Variants in RBFOX1 observed in about 807,000 individuals in gnomAD.
RBFOX1 encodes RNA binding fox-1 homolog 1, also known as RNA binding protein fox-1 homolog 1.
In RBFOX1, 8 loss-of-function variants were observed where a neutral mutation model predicts 57.7. The observed-to-expected ratio is 0.14, with a 90% CI of 0.08 to 0.25. The LOEUF is 0.25. Among genes scored for constraint, RBFOX1 ranks in the 10% least tolerant of loss-of-function variants. RBFOX1 has a pLI of 1.00. For synonymous variants in RBFOX1, 326 were observed against 222.4 expected (o/e 1.47, Z -4.15); for missense variants, 611 against 548.5 (o/e 1.11, Z -1.14).
At chr16:5,757,208 G>GT (rs1320741411) in intron 3 of RBFOX1, among the ~76,000 whole-genome samples, 1 of 149,320 alleles carries the variant, frequency 6.7e-6, no homozygotes, top group Non-Finnish European at 1.5e-5. Flanking sequence ...GGCGGGGAAG[G>GT]TTTTTTTTGT....
chr16:6,922,055 G>A (rs558287985), intron 3 of RBFOX1, among the ~76,000 whole-genome samples: 1 of 152,278 alleles, frequency 6.6e-6, no homozygotes, highest in African/African-American at 2.4e-5. Context: ...CTGGCAGCTG[G>A]TATTACTATT....
intron 2 of RBFOX1, among the ~76,000 whole-genome samples, chr16:6,589,065 C>G (rs1233936942): frequency 1.3e-5 from 2 of 151,486 alleles, no homozygotes; most frequent in South Asian, 2.1e-4. Flanking sequence ...ATAGTAGTGA[C>G]ATGATGCTTT....
chr16:7,423,246 C>G (rs960107684), intron 4 of RBFOX1, among the ~76,000 whole-genome samples: 1 of 152,026 alleles, frequency 6.6e-6, no homozygotes, highest in South Asian at 2.1e-4. Context: ...TGTATCCAAC[C>G]CCATTTCAGC....
intron 2 of RBFOX1, among the ~76,000 whole-genome samples, chr16:6,403,322 A>G (rs2093151231): frequency 6.6e-6 from 1 of 152,172 alleles, no homozygotes; most frequent in African/African-American, 2.4e-5. Context: ...AACCCAAGCA[A>G]TAAGGGGTGG....
intron 3 of RBFOX1, among the ~76,000 whole-genome samples, chr16:7,043,122 T>C (rs554769559): frequency 6.8e-6 from 1 of 147,538 alleles, no homozygotes; most frequent in Admixed American, 6.8e-5. Flanking sequence ...GGGGAGGTCC[T>C]CCCGCCCAAC....
intron 3 of RBFOX1, among the ~76,000 whole-genome samples, chr16:6,706,850 T>G (rs1568297150): frequency 6.6e-6 from 1 of 152,138 alleles, no homozygotes; most frequent in Non-Finnish European, 1.5e-5. Context: ...AGAAGTCATC[T>G]GGTGTAGGTA....
chr16:6,240,460 C>A (rs1186886043), intron 1 of RBFOX1, among the ~76,000 whole-genome samples: 1 of 152,060 alleles, frequency 6.6e-6, no homozygotes, highest in Non-Finnish European at 1.5e-5. Flanking sequence ...AGTGAACCTT[C>A]CTCCCCTCCT....
At chr16:6,545,602 C>A (rs1486714989) in intron 2 of RBFOX1, among the ~76,000 whole-genome samples, 2 of 152,176 alleles carry the variant, frequency 1.3e-5, no homozygotes, top group African/African-American at 4.8e-5. Context: ...AACTACTCTC[C>A]ACCCCAAAGA....
intron 2 of RBFOX1, among the ~76,000 whole-genome samples, chr16:6,418,508 C>T (rs1412328252): frequency 6.8e-6 from 1 of 146,014 alleles, no homozygotes; most frequent in Admixed American, 6.9e-5. Context: ...AGATGTCTTT[C>T]TGCAAGCCTT....
chr16:6,702,428 C>T (rs567639806), intron 3 of RBFOX1, among the ~76,000 whole-genome samples: 5 of 152,164 alleles, frequency 3.3e-5, no homozygotes, highest in South Asian at 2.1e-4. Context: ...CTGGCATATG[C>T]CTGTAATCCC....
intron 3 of RBFOX1, among the ~76,000 whole-genome samples, chr16:5,834,793 G>A (rs1463455150): frequency 1.3e-5 from 2 of 150,462 alleles, no homozygotes; most frequent in Admixed American, 6.6e-5. Flanking sequence ...TAGATAGATA[G>A]ATAGATAGAT....
At chr16:5,342,829 C>A (rs1191110340) in intron 1 of RBFOX1, among the ~76,000 whole-genome samples, 1 of 152,260 alleles carries the variant, frequency 6.6e-6, no homozygotes, top group East Asian at 1.9e-4. Flanking sequence ...TTACTATGGA[C>A]ATGTGACTGT....
At chr16:6,960,121 C>G (rs1157885163) in intron 3 of RBFOX1, among the ~76,000 whole-genome samples, 5 of 152,032 alleles carry the variant, frequency 3.3e-5, no homozygotes, top group African/African-American at 1.2e-4. Flanking sequence ...TCTGAAGAAA[C>G]TCCCCAGGTC....
intron 3 of RBFOX1, among the ~76,000 whole-genome samples, chr16:6,780,748 C>G (rs139572601): frequency 6.6e-6 from 1 of 151,014 alleles, no homozygotes; most frequent in Admixed American, 6.7e-5. Flanking sequence ...TGATTAGTGA[C>G]GTTGAGCATT....
intron 3 of RBFOX1, among the ~76,000 whole-genome samples, chr16:6,751,206 C>T (rs980026585): frequency 6.6e-6 from 1 of 152,056 alleles, no homozygotes; most frequent in Non-Finnish European, 1.5e-5. Flanking sequence ...GTTTTAAGGA[C>T]AAGGGTATTG....
At chr16:5,399,297 C>G (rs1165316076) in intron 1 of RBFOX1, among the ~76,000 whole-genome samples, 1 of 152,140 alleles carries the variant, frequency 6.6e-6, no homozygotes. Flanking sequence ...AGGTCAAGGG[C>G]TCACACCTTG....
chr16:5,731,749 G>T (rs142183944), intron 3 of RBFOX1, among the ~76,000 whole-genome samples: 4 of 152,160 alleles, frequency 2.6e-5, no homozygotes, highest in Non-Finnish European at 5.9e-5. Flanking sequence ...GGAGAATAGC[G>T]GTTGAACTGT....
chr16:6,928,729 C>T (rs2076039370), intron 3 of RBFOX1, among the ~76,000 whole-genome samples: 1 of 152,136 alleles, frequency 6.6e-6, no homozygotes, highest in South Asian at 2.1e-4. Context: ...GTCTGCCAAT[C>T]AATCACGGTT....
intron 3 of RBFOX1, among the ~76,000 whole-genome samples, chr16:6,811,941 A>T (rs1289212310): frequency 1.3e-5 from 2 of 152,128 alleles, no homozygotes; most frequent in Admixed American, 1.3e-4. Flanking sequence ...AAAATACTGA[A>T]ATAAGTTGCA....
Sources: allele counts gnomAD v4.1 joint callset (sites outside exome capture counted in the v4.1 genomes callset), GRCh38; gene constraint gnomAD v4.1.1; transcripts MANE v1.5; gene names NCBI Gene and HGNC (gene_info 2026-07-23, HGNC 2026-07-21).